Variants in EGF observed in about 807,000 individuals in gnomAD.
EGF encodes epidermal growth factor.
In EGF, 95 loss-of-function variants were observed where a neutral mutation model predicts 143.8. The observed-to-expected ratio is 0.66, with a 90% CI of 0.56 to 0.78. EGF has a LOEUF of 0.78. Among genes scored for constraint, EGF ranks in the 30% least tolerant of loss-of-function variants. EGF has a pLI of 0.00. For missense variants in EGF, 1,320 were observed against 1,470.9 expected (o/e 0.90, Z 1.68); for synonymous variants, 510 against 510.5 (o/e 1.00, Z 0.01).
At position 109,974,422 on chromosome 4, in the gene EGF, C is replaced by T. The variant is rs532687433; in HGVS notation, c.1725-281C>T. 6.6e-5 allele frequency among the ~76,000 whole-genome samples: 10 copies of T among 152,260 alleles called. No homozygotes were observed. The East Asian group carries it at 9.7e-4, about 15-fold the overall frequency. On this transcript the variant is annotated intron_variant, in intron 11 of 23. Coordinates refer to ENST00000265171, the MANE Select transcript of EGF (RefSeq NM_001963.6). ...GAATGTCCTCACCCAGCCACTGACA[C>T]GATCCTTTTACCTTGTCCTGTCATT...
intron 15 of EGF, 48 bp downstream of exon 15, chr4:109,981,023 T>C (rs1287666481): frequency 6.8e-6 from 11 of 1,608,018 alleles, no homozygotes; most frequent in Middle Eastern, 3.3e-4. Context: ...GGCTCAGAAA[T>C]ACAGCTGTAC....
In EGF at chr4:109,960,955, A is replaced by G. The variant is rs930452618; in HGVS notation, c.1155A>G (p.Gly385=). The change falls in exon 7 of 24, where the codon GGA becomes GGG. Residue 385 remains glycine (G), a synonymous_variant. Transcript: ENST00000265171. Reference sequence around the variant, plus strand: ...CCTATTACTGCACGTGCCCTGTAGGATTTGTTCTGCTTCCTGATGGGAAAC... The same window carrying G: ...CCTATTACTGCACGTGCCCTGTAGGGTTTGTTCTGCTTCCTGATGGGAAAC... The part of the protein sequence containing the change: ...PGSYYCTCPV[G]FVLLPDGKRC... 19 of 1,613,710 alleles carry G rather than the reference A, an allele frequency of 1.2e-5. No individual in the cohort carries two copies. Among genetic ancestry groups the G allele is most frequent in the Non-Finnish European group, 1.4e-5 (17 of 1,179,888 alleles).
intron 1 of EGF, among the ~76,000 whole-genome samples, chr4:109,932,532 C>T (rs1385623140): frequency 6.6e-6 from 1 of 151,078 alleles, no homozygotes; most frequent in Non-Finnish European, 1.5e-5. Context: ...GCGCTCGCCA[C>T]CATGCCTGGC....
chr4:109,933,042 A>G (rs1366967480), intron 1 of EGF, among the ~76,000 whole-genome samples: 1 of 152,210 alleles, frequency 6.6e-6, no homozygotes, highest in Non-Finnish European at 1.5e-5. Context: ...GCAATGGCAA[A>G]CGATATACAT....
At chr4:109,956,109 C>T (rs1265624936) in intron 5 of EGF, among the ~76,000 whole-genome samples, 1 of 152,094 alleles carries the variant, frequency 6.6e-6, no homozygotes, top group Non-Finnish European at 1.5e-5. Context: ...GGTATAAACT[C>T]AGAAGAATTT....
Position 109,958,566 on chromosome 4 carries a change from T to C in EGF, c.941-746T>C, listed in dbSNP as rs567267379. Among the ~76,000 whole-genome samples, 197 of 152,332 alleles carry C rather than the reference T, an allele frequency of 1.3e-3. 2 individuals are homozygous for C. The highest frequency in any genetic ancestry group is 4.0e-3 in the African/African-American group (166 of 41,574). ...AATGGTATATATTGAGTCTGAAAGA[T>C]GTTCATTAAATAATGATGTTAAAAA... On this transcript the variant is annotated intron_variant, in intron 5 of 23. Transcript: ENST00000265171.
At chr4:109,991,016 T>A (rs936286629) in intron 18 of EGF, among the ~76,000 whole-genome samples, 2 of 152,042 alleles carry the variant, frequency 1.3e-5, no homozygotes, top group African/African-American at 4.8e-5. Context: ...AACAGATGGG[T>A]TGGGTTACCT....
intron 10 of EGF, 120 bp downstream of exon 10, chr4:109,964,657 C>A: frequency 7.1e-7 from 1 of 1,400,462 alleles, no homozygotes; most frequent in Non-Finnish European, 9.8e-7. Context: ...TGATTAGGCA[C>A]AGAACAAGTT....
Position 109,987,858 on chromosome 4 carries a change from C to T in EGF, c.2606C>T (p.Ser869Phe), listed in dbSNP as rs532628455. 1.1e-4 allele frequency: 175 copies of T among 1,611,724 alleles called. 4 individuals carry two copies. In the South Asian group the frequency reaches 1.7e-3, roughly 15 times the overall value. ...KGFAGDGKLC[S>F]DIDECEMGVP... Reference sequence around the variant, plus strand: ...TTTGCTGGGGATGGAAAACTATGTTCTGGTAAGAGAAAAGGGCAAATTCAC... The same window carrying T: ...TTTGCTGGGGATGGAAAACTATGTTTTGGTAAGAGAAAAGGGCAAATTCAC... The change falls in exon 17 of 24, where the codon TCT becomes TTT. Residue 869 changes from serine to phenylalanine, a missense_variant and splice_region_variant. Ser to Phe is a radical substitution (Grantham distance 155, BLOSUM62 -2). Coordinates refer to ENST00000265171, the MANE Select transcript of EGF (RefSeq NM_001963.6).
At chr4:109,949,645 A>C (rs1283095850) in intron 5 of EGF, among the ~76,000 whole-genome samples, 1 of 151,320 alleles carries the variant, frequency 6.6e-6, no homozygotes, top group Non-Finnish European at 1.5e-5. Flanking sequence ...GCTCTAGACA[A>C]ATTTTTTTAA....
At chr4:109,963,534 A>G (rs1017152201) in intron 9 of EGF, among the ~76,000 whole-genome samples, 8 of 152,242 alleles carry the variant, frequency 5.3e-5, no homozygotes, top group Non-Finnish European at 1.5e-5. Context: ...AATATCAGAT[A>G]GAATATTTTT....
intron 1 of EGF, among the ~76,000 whole-genome samples, chr4:109,930,136 A>G (rs541340192): frequency 5.3e-5 from 8 of 152,298 alleles, no homozygotes; most frequent in Non-Finnish European, 7.4e-5. Context: ...CTGAGGCCTC[A>G]CCAGCTGTGT....
chr4:109,979,835 G>C, intron 13 of EGF, 137 bp from the exon 14 acceptor site: 6 of 949,796 alleles, frequency 6.3e-6, no homozygotes, highest in Non-Finnish European at 8.0e-6. Context: ...TGAGTCGGTG[G>C]CTCACTCATA....
At chr4:109,987,448 GTAGAGACAGAGT>G (rs1377162816) in intron 16 of EGF, among the ~76,000 whole-genome samples, 3 of 152,066 alleles carry the variant, frequency 2.0e-5, no homozygotes, top group Non-Finnish European at 4.4e-5. Flanking sequence ...CCAGTTTTCA[GTAGAGACAGAGT>G]TTCACCATGT....
chr4:109,988,540 C>T (rs1750479459), intron 17 of EGF, 44 bp from the exon 18 acceptor site: 1 of 1,613,006 alleles, frequency 6.2e-7, no homozygotes, highest in Admixed American at 1.7e-5. Flanking sequence ...CCATTTATAT[C>T]AGGATTGCCT....
intron 14 of EGF, 30 bp from the exon 15 acceptor site, chr4:109,980,796 A>G: frequency 6.2e-7 from 1 of 1,613,730 alleles, no homozygotes; most frequent in East Asian, 2.2e-5. Context: ...CTTCAAACCC[A>G]CTTGTGAATT....
At position 109,936,311 on chromosome 4, in the gene EGF, C is replaced by T. The variant is rs147192105; in HGVS notation, c.128-4635C>T. On this transcript the variant is annotated intron_variant, in intron 1 of 23. Coordinates refer to ENST00000265171, the MANE Select transcript of EGF (RefSeq NM_001963.6). The stretch of plus-strand genomic sequence containing the variant: ...TGTCCAGGAATTTATCCCTTTCTTC[C>T]AGATTTTGTAGTTTATTTGCATAGA... Among the ~76,000 whole-genome samples the T allele has an allele frequency of 0.013, 1,972 of 152,136 alleles. 198 individuals carry two copies. The East Asian group carries it at 0.23, about 18-fold the overall frequency.
intron 20 of EGF, among the ~76,000 whole-genome samples, chr4:109,997,663 G>C (rs140977841): frequency 6.6e-6 from 1 of 152,036 alleles, no homozygotes; most frequent in Non-Finnish European, 1.5e-5. Flanking sequence ...TGTTAGCCAG[G>C]ATGGTCTCCA....
At chr4:109,970,338 C>T (rs887293726) in intron 11 of EGF, among the ~76,000 whole-genome samples, 6 of 151,990 alleles carry the variant, frequency 3.9e-5, no homozygotes, top group Non-Finnish European at 7.4e-5. Context: ...CTCAGAGTAA[C>T]GGAAAGCCAG....
Sources: allele counts gnomAD v4.1 joint callset (sites outside exome capture counted in the v4.1 genomes callset), GRCh38; gene constraint gnomAD v4.1.1; transcripts MANE v1.5; gene names NCBI Gene and HGNC (gene_info 2026-07-23, HGNC 2026-07-21).